Variants in DDX10 observed in about 807,000 individuals in gnomAD.
DDX10 encodes the protein probable ATP-dependent RNA helicase DDX10.
A neutral mutation model predicts 104.3 loss-of-function variants in DDX10; 74 were observed. The ratio of observed to expected loss-of-function variants is 0.71; its 90% confidence interval spans 0.59 to 0.86. The LOEUF (loss-of-function observed/expected upper bound fraction) is 0.86. Ranked by LOEUF, DDX10 falls within the 40% of genes least tolerant of loss-of-function variation. The pLI, the probability that DDX10 is intolerant of heterozygous loss-of-function variation, is 0.00. For missense variants in DDX10, 952 were observed against 1,040.0 expected (o/e 0.92, Z 1.16); for synonymous variants, 351 against 353.4 (o/e 0.99, Z 0.08).
chr11:108,921,953 C>CAG (rs1040569478), intron 17 of DDX10: 4 of 142,214 alleles, frequency 2.8e-5, no homozygotes, highest in Admixed American at 7.2e-5. Flanking sequence ...GCAAGACTCC[C>CAG]AGAGAGAGAG....
chr11:108,838,435 TTC>T lies in DDX10; in HGVS notation c.1966-8_1966-7del. 6.2e-7 allele frequency: 1 copy of T among 1,606,552 alleles called. No individual in the cohort carries two copies. Among genetic ancestry groups the T allele is most frequent in the Non-Finnish European group, 8.5e-7 (1 of 1,177,970 alleles). On this transcript the variant is annotated splice_polypyrimidine_tract_variant and intron_variant, in intron 13 of 17. Transcript: ENST00000322536. ...CCTAATCATCTGTGTTTTTTGTATG[TTC>T]TCACACAGAAGAAAGAACCTTCTAA...
At chr11:108,845,672 C>T (rs1478116538) in intron 15 of DDX10, among the ~76,000 whole-genome samples, 1 of 152,064 alleles carries the variant, frequency 6.6e-6, no homozygotes, top group African/African-American at 2.4e-5. Flanking sequence ...GAAAAAAAAA[C>T]TTCGTAAAAC....
At chr11:108,872,779 T>A (rs1048475207) in intron 16 of DDX10, among the ~76,000 whole-genome samples, 6 of 152,158 alleles carry the variant, frequency 3.9e-5, no homozygotes, top group Non-Finnish European at 5.9e-5. Context: ...TTGGTGCAGA[T>A]ACAAATATGT....
intron 13 of DDX10, among the ~76,000 whole-genome samples, chr11:108,771,886 A>T (rs1029666350): frequency 2.0e-5 from 3 of 152,136 alleles, no homozygotes; most frequent in African/African-American, 7.2e-5. Flanking sequence ...GTCTTGTCTG[A>T]TGTTGATGTT....
intron 10 of DDX10, among the ~76,000 whole-genome samples, chr11:108,710,517 T>A (rs2094282922): frequency 6.6e-6 from 1 of 152,144 alleles, no homozygotes. Flanking sequence ...TGTCTTTCAT[T>A]TTCACATCGT....
intron 16 of DDX10, among the ~76,000 whole-genome samples, chr11:108,882,266 C>T (rs2726903): frequency 0.25 from 37,621 of 152,024 alleles, 5,337 homozygotes; most frequent in African/African-American, 0.37. Context: ...AAATATGCCC[C>T]CACACCTTTA....
intron 15 of DDX10, among the ~76,000 whole-genome samples, chr11:108,847,448 TTATC>T (rs1026274204): frequency 6.6e-6 from 1 of 152,204 alleles, no homozygotes; most frequent in African/African-American, 2.4e-5. Context: ...TTCGAGTGCT[TTATC>T]TATATCGGAT....
chr11:108,938,972 A>AT (rs377693363), intron 17 of DDX10, among the ~76,000 whole-genome samples: 12 of 152,164 alleles, frequency 7.9e-5, no homozygotes, highest in African/African-American at 1.7e-4. Flanking sequence ...TATTTCTGTG[A>AT]TTTTTTTATT....
At chr11:108,902,138 C>G (rs1863524642) in intron 16 of DDX10, among the ~76,000 whole-genome samples, 2 of 152,260 alleles carry the variant, frequency 1.3e-5, no homozygotes, top group South Asian at 2.1e-4. Flanking sequence ...AGACTCGTGT[C>G]AGGAATAGAG....
chr11:108,915,076 T>G (rs1863729239), intron 16 of DDX10, among the ~76,000 whole-genome samples: 1 of 151,788 alleles, frequency 6.6e-6, no homozygotes, highest in South Asian at 2.1e-4. Context: ...AAAGGAGAGA[T>G]GAAAAAGAGA....
intron 13 of DDX10, among the ~76,000 whole-genome samples, chr11:108,761,887 A>G (rs955322082): frequency 6.6e-6 from 1 of 152,158 alleles, no homozygotes; most frequent in Non-Finnish European, 1.5e-5. Flanking sequence ...AAGAATGGAA[A>G]ATAAGGTGTA....
intron 13 of DDX10, among the ~76,000 whole-genome samples, chr11:108,804,078 G>C (rs1862063655): frequency 1.3e-5 from 2 of 152,148 alleles, no homozygotes; most frequent in African/African-American, 4.8e-5. Flanking sequence ...GGCTCAGAAT[G>C]ACCTGGTTCT....
intron 13 of DDX10, among the ~76,000 whole-genome samples, chr11:108,773,053 C>T (rs1301830561): frequency 6.6e-6 from 1 of 152,186 alleles, no homozygotes; most frequent in African/African-American, 2.4e-5. Flanking sequence ...AAGTGAAGAA[C>T]TTTCTTCTTT....
intron 13 of DDX10, among the ~76,000 whole-genome samples, chr11:108,830,721 T>A: frequency 6.6e-6 from 1 of 152,166 alleles, no homozygotes; most frequent in East Asian, 1.9e-4. Flanking sequence ...ATTGGCTATG[T>A]CCCTTCTTTG....
At chr11:108,775,971 G>A (rs188383920) in intron 13 of DDX10, among the ~76,000 whole-genome samples, 1 of 152,226 alleles carries the variant, frequency 6.6e-6, no homozygotes, top group African/African-American at 2.4e-5. Context: ...TATGTTGGAC[G>A]TATCAGTAGG....
intron 9 of DDX10, among the ~76,000 whole-genome samples, chr11:108,696,174 T>G (rs2094259576): frequency 6.6e-6 from 1 of 151,290 alleles, no homozygotes; most frequent in South Asian, 2.1e-4. Flanking sequence ...GGTTTTTGTT[T>G]TGTTCTGTTT....
intron 9 of DDX10, among the ~76,000 whole-genome samples, chr11:108,700,076 C>A (rs1304899359): frequency 6.6e-6 from 1 of 152,094 alleles, no homozygotes; most frequent in Non-Finnish European, 1.5e-5. Context: ...CTAGCAAATA[C>A]CATGTTTGTT....
At chr11:108,807,598 G>A (rs187921605) in intron 13 of DDX10, among the ~76,000 whole-genome samples, 18 of 152,294 alleles carry the variant, frequency 1.2e-4, no homozygotes, top group African/African-American at 4.3e-4. Flanking sequence ...GCAGACTGTG[G>A]TGAACAGAAA....
chr11:108,934,903 G>A (rs1346969478), intron 17 of DDX10, among the ~76,000 whole-genome samples: 1 of 152,182 alleles, frequency 6.6e-6, no homozygotes, highest in Non-Finnish European at 1.5e-5. Flanking sequence ...TGTTCTGGGG[G>A]TGCTCCCACA....
Sources: allele counts gnomAD v4.1 joint callset (sites outside exome capture counted in the v4.1 genomes callset), GRCh38; gene constraint gnomAD v4.1.1; transcripts MANE v1.5; gene names NCBI Gene and HGNC (gene_info 2026-07-23, HGNC 2026-07-21).